FNDC3B: variants seen among roughly 807,000 people sequenced by gnomAD.
FNDC3B encodes fibronectin type III domain containing 3B, also known as fibronectin type III domain-containing protein 3B.
Under a neutral mutation model 151.5 loss-of-function variants are expected in FNDC3B, and 12 were observed. The observed-to-expected ratio is 0.08, with a 90% CI of 0.05 to 0.13. The LOEUF (loss-of-function observed/expected upper bound fraction) is 0.13. Among genes scored for constraint, FNDC3B ranks in the 10% least tolerant of loss-of-function variants. The probability of loss-of-function intolerance (pLI) is 1.00; values close to 1 mark genes in which losing one functional copy is unlikely to be tolerated. For synonymous variants in FNDC3B, 528 were observed against 549.0 expected, an observed-to-expected ratio of 0.96 and a Z score of 0.54; for missense variants, 1,214 against 1,505.3, an observed-to-expected ratio of 0.81 and a Z score of 3.20.
At chr3:172,296,472 C>A (rs1291411658) in intron 8 of FNDC3B, among the ~76,000 whole-genome samples, 1 of 152,190 alleles carries the variant, frequency 6.6e-6, no homozygotes, top group Non-Finnish European at 1.5e-5. Context: ...CCTCCACTGT[C>A]TCTTCCCTGG....
chr3:172,214,969 A>T (rs772996077), intron 3 of FNDC3B, among the ~76,000 whole-genome samples: 5 of 152,236 alleles, frequency 3.3e-5, no homozygotes, highest in Non-Finnish European at 7.3e-5. Context: ...TTGAGTAATG[A>T]TATGTTGGTA....
At chr3:172,096,992 C>G (rs1336365887) in intron 1 of FNDC3B, among the ~76,000 whole-genome samples, 1 of 152,182 alleles carries the variant, frequency 6.6e-6, no homozygotes, top group Non-Finnish European at 1.5e-5. Flanking sequence ...CCACCCTGTA[C>G]TTTTCAAGCA....
intron 22 of FNDC3B, among the ~76,000 whole-genome samples, chr3:172,355,520 G>C (rs1013337851): frequency 2.0e-5 from 3 of 152,160 alleles, no homozygotes; most frequent in Non-Finnish European, 2.9e-5. Flanking sequence ...AAATCTAGGG[G>C]GGGGGCCTAG....
chr3:172,341,030 A>G lies in FNDC3B; in HGVS notation c.1853-83A>G, dbSNP rs1430960005. ...AGAAGATGTTGGTTTTCATGAAAAC[A>G]TAGAGCTTTTTCTTGTCAGCAATGG... On this transcript the variant is annotated intron_variant, in intron 16 of 25. Transcript: ENST00000415807. 5 of 893,598 alleles carry G rather than the reference A, an allele frequency of 5.6e-6. No homozygotes were observed. The East Asian group carries it at 9.7e-5, about 17-fold the overall frequency. The allele number at this position is 893,598 out of a possible 1,614,324, so 55.4% of individuals were successfully genotyped here.
At chr3:172,044,242 AC>A (rs1490315304) in intron 1 of FNDC3B, among the ~76,000 whole-genome samples, 1 of 148,334 alleles carries the variant, frequency 6.7e-6, no homozygotes, top group Non-Finnish European at 1.5e-5. Context: ...AGGAATTTCA[AC>A]AACTTTCTGA....
chr3:172,040,534 C>G lies in FNDC3B; in HGVS notation c.-29+763C>G, dbSNP rs966382863. 2 of 151,972 alleles carry G rather than the reference C, an allele frequency of 1.3e-5. No homozygotes were observed. 9.4% of individuals were successfully genotyped at this position (151,972 alleles called of 1,614,324 possible). Reference sequence around the variant, plus strand: ...GCGGTAACCGGCGGCCGCGGCCGGACTTGGCGAGCCGGCGGCTGGAAGCTC... The same window carrying G: ...GCGGTAACCGGCGGCCGCGGCCGGAGTTGGCGAGCCGGCGGCTGGAAGCTC... On this transcript the variant is annotated intron_variant, in intron 1 of 25. Transcript: ENST00000415807. The surrounding 1 kb of genome is among the most constrained non-coding windows in gnomAD (Gnocchi z 6.6).
At chr3:172,107,196 T>A (rs999177362) in intron 1 of FNDC3B, among the ~76,000 whole-genome samples, 1 of 152,142 alleles carries the variant, frequency 6.6e-6, no homozygotes, top group Non-Finnish European at 1.5e-5. Flanking sequence ...GTTTTAGTGT[T>A]ATGTGTGGTT....
At chr3:172,086,653 A>G (rs918766997) in intron 1 of FNDC3B, among the ~76,000 whole-genome samples, 2 of 152,212 alleles carry the variant, frequency 1.3e-5, no homozygotes, top group Non-Finnish European at 2.9e-5. Context: ...TAAAATTGGG[A>G]TTTCACATAA....
intron 11 of FNDC3B, chr3:172,321,857 G>A (rs1301348789): frequency 3.1e-5 from 5 of 160,446 alleles, no homozygotes; most frequent in African/African-American, 1.2e-4. Flanking sequence ...GCCTCCCAAA[G>A]TGCCGGGATT....
rs866576570 is a variant in FNDC3B, at chr3:172,174,945, C to G, written c.187+41399C>G. Among the ~76,000 whole-genome samples the G allele has an allele frequency of 1.3e-3, 106 of 78,840 alleles. 2 individuals are homozygous for G. The highest frequency in any genetic ancestry group is 4.2e-3 in the African/African-American group (103 of 24,682). 51.7% of individuals were successfully genotyped at this position (78,840 alleles called of 152,430 possible). ...CCTTCCCCCCGCCACCCCCCCCCCCCCAATACAATTTGCTGTCCATCCGGT... is the reference window on the plus strand; with the variant it reads ...CCTTCCCCCCGCCACCCCCCCCCCCGCAATACAATTTGCTGTCCATCCGGT... On this transcript the variant is annotated intron_variant, in intron 3 of 25. Coordinates refer to ENST00000415807, the MANE Select transcript of FNDC3B (RefSeq NM_022763.4).
chr3:172,358,901 G>A (rs1454019084), intron 22 of FNDC3B, among the ~76,000 whole-genome samples: 6 of 146,406 alleles, frequency 4.1e-5, no homozygotes, highest in African/African-American at 1.0e-4. Context: ...TGATGAGCAG[G>A]ATTCCCAAAG....
intron 17 of FNDC3B, among the ~76,000 whole-genome samples, chr3:172,342,559 A>G (rs1460721078): frequency 2.0e-5 from 3 of 152,216 alleles, no homozygotes; most frequent in Non-Finnish European, 4.4e-5. Flanking sequence ...CTGCTGGTTG[A>G]TGTCAGAATC....
At chr3:172,232,931 A>C (rs1287032178) in intron 4 of FNDC3B, among the ~76,000 whole-genome samples, 1 of 152,240 alleles carries the variant, frequency 6.6e-6, no homozygotes, top group African/African-American at 2.4e-5. Context: ...AGCTACTACA[A>C]TGAAAAAGAC....
chr3:172,335,900 T>C (rs1166448679), intron 15 of FNDC3B: 1 of 152,032 alleles, frequency 6.6e-6, no homozygotes, highest in Non-Finnish European at 1.5e-5. Flanking sequence ...CTGAGACATA[T>C]AACTGTTTCA....
At chr3:172,225,596 A>G (rs1441289090) in intron 3 of FNDC3B, 2 of 155,468 alleles carry the variant, frequency 1.3e-5, no homozygotes, top group Non-Finnish European at 2.9e-5. Context: ...GTATCTCAGG[A>G]CATCCAGCTT....
intron 4 of FNDC3B, among the ~76,000 whole-genome samples, chr3:172,233,624 G>A (rs2108751012): frequency 6.6e-6 from 1 of 152,288 alleles, no homozygotes; most frequent in Non-Finnish European, 1.5e-5. Context: ...ATAGACATTA[G>A]CCTCAACTGC....
intron 1 of FNDC3B, 42 bp from the exon 2 acceptor site, chr3:172,112,410 G>A: frequency 1.0e-6 from 1 of 986,316 alleles, no homozygotes; most frequent in Non-Finnish European, 1.6e-6. Flanking sequence ...GGTGATTTTT[G>A]TGGTTCTGAG....
chr3:172,056,233 T>C (rs1053713822), intron 1 of FNDC3B, among the ~76,000 whole-genome samples: 1 of 152,148 alleles, frequency 6.6e-6, no homozygotes, highest in African/African-American at 2.4e-5. Context: ...AAAAAATGTA[T>C]TTTTAACACA....
At chr3:172,381,627 C>A (rs868854093) in intron 25 of FNDC3B, among the ~76,000 whole-genome samples, 2 of 151,868 alleles carry the variant, frequency 1.3e-5, no homozygotes, top group Non-Finnish European at 2.9e-5. Flanking sequence ...CCTTGCCCCC[C>A]ACCCCCTGAC....
Sources: gnomAD v4.1 joint callset for allele counts (sites outside exome capture counted in the v4.1 genomes callset) on GRCh38, gnomAD v4.1.1 for gene constraint, Gnocchi (gnomAD v3.1) non-coding constraint, MANE v1.5 for transcripts, NCBI Gene and HGNC (gene_info 2026-07-23, HGNC 2026-07-21) for gene names.